HUWE1: variants seen among roughly 807,000 people sequenced by gnomAD.
The protein encoded by HUWE1 is HECT, UBA and WWE domain containing E3 ubiquitin protein ligase 1.
In HUWE1, 18 loss-of-function variants were observed where a neutral mutation model predicts 299.4. The observed-to-expected ratio is 0.06, with a 90% confidence interval of 0.04 to 0.09. The LOEUF is 0.09. Among genes scored for constraint, HUWE1 ranks in the 10% least tolerant of loss-of-function variants. The pLI, the probability that HUWE1 is intolerant of heterozygous loss-of-function variation, is 1.00. For missense variants in HUWE1, 1,832 were observed against 3,462.3 expected (o/e 0.53, Z 11.82); for synonymous variants, 1,317 against 1,286.1 (o/e 1.02, Z -0.51).
rs1169948616 is a variant in HUWE1 at position 53,568,639 on chromosome X, C to T, written c.6707+53G>A. 13 of 1,115,391 alleles carry T rather than the reference C, an allele frequency of 1.2e-5. No individual in the cohort carries two copies. The Admixed American group carries it at 2.1e-4, about 18-fold the overall frequency. 91.9% of individuals were successfully genotyped at this position (1,115,391 alleles called of 1,213,427 possible). On this transcript the variant is annotated intron_variant, in intron 49 of 83. Coordinates refer to ENST00000262854, the MANE Select transcript of HUWE1 (RefSeq NM_031407.7). ...CTACACCAGCTACCTCCACATCATTCGTGTAGTGAGGCTGAAGAGAAGGAA... is the reference window on the plus strand; with the variant it reads ...CTACACCAGCTACCTCCACATCATTTGTGTAGTGAGGCTGAAGAGAAGGAA...
Position 53,575,227 on chromosome X carries a change from G to GCA in HUWE1, c.6031-7_6031-6insTG. On this transcript the variant is annotated splice_polypyrimidine_tract_variant and splice_region_variant and intron_variant, in intron 45 of 83. Transcript: ENST00000262854. ...TCTGCAGCAAAGACCTGACTCTGAAGAAGAAGAAAACTCCTGAGCTATTAT... is the reference window on the plus strand; with the variant it reads ...TCTGCAGCAAAGACCTGACTCTGAAGCAAAGAAGAAAACTCCTGAGCTATTAT... 1 of 1,189,178 alleles carries GCA rather than the reference G, an allele frequency of 8.4e-7. No homozygotes were observed.
At chrX:53,548,296 G>T in intron 67 of HUWE1, 23 bp from the exon 68 acceptor site, 1 of 1,203,603 alleles carries the variant, frequency 8.3e-7, no homozygotes, top group East Asian at 3.0e-5. Context: ...GGAGGACAAG[G>T]CTTGGTCTAG....
intron 47 of HUWE1, among the ~76,000 whole-genome samples, chrX:53,570,615 G>A (rs2062781614): frequency 8.9e-6 from 1 of 112,520 alleles, no homozygotes. Context: ...GTTATTTAAA[G>A]TAACGAAAAA....
At chrX:53,544,345 T>C (rs2061469444) in intron 72 of HUWE1, among the ~76,000 whole-genome samples, 1 of 110,744 alleles carries the variant, frequency 9.0e-6, no homozygotes, top group Non-Finnish European at 1.9e-5. Flanking sequence ...AGATTTCCAC[T>C]CCCCCTTAAT....
rs2065921954 is a variant in HUWE1 at position 53,618,434 on chromosome X, T to A, written c.1673-988A>T. 3.6e-5 allele frequency among the ~76,000 whole-genome samples: 4 copies of A among 111,008 alleles called. No individual in the cohort carries two copies. In the South Asian group the frequency reaches 1.5e-3, roughly 41 times the overall value. ...TACGTTATGAATGAGAAAGGAGATT[T>A]AACTAGATACAGAAAAATATATTCT... On this transcript the variant is annotated intron_variant, in intron 19 of 83. Transcript: ENST00000262854.
chrX:53,533,587 CCAT>C lies in HUWE1; in HGVS notation c.13023-179_13023-177del, dbSNP rs782745333. 32 of 472,441 alleles carry C rather than the reference CCAT, an allele frequency of 6.8e-5. No homozygotes were observed. In the African/African-American group the frequency reaches 7.3e-4, roughly 11 times the overall value. The allele number at this position is 472,441 out of a possible 1,213,427, so 38.9% of individuals were successfully genotyped here. ...CCCCTTTATCTGGCTCCCAAACTGG[CCAT>C]CAGGCACCAAAACCAAAAATCTGAC... On this transcript the variant is annotated intron_variant, in intron 83 of 83. Transcript: ENST00000262854.
In HUWE1 at chrX:53,614,690, G is replaced by A; in HGVS notation, c.2105C>T (p.Pro702Leu). The change falls in exon 23 of 84, where the codon CCA becomes CTA. Residue 702 changes from proline to leucine, a missense_variant. Physicochemically the swap from Pro to Leu is moderately conservative, Grantham distance 98. Around this residue, in one of 15 missense-constraint regions of HUWE1, gnomAD observed 658 missense variants for 1,282.6 expected, o/e 0.51. Transcript: ENST00000262854. ...GRDPKYICQK[P>L]SIQKADGTAT... ...AGTGCCATCTGCCTTCTGGATTGAT[G>A]GCTTCTGACAGATGTATTTGGGGTC... 2 of 1,208,341 alleles carry A rather than the reference G, an allele frequency of 1.7e-6. No individual in the cohort carries two copies. Among genetic ancestry groups the A allele is most frequent in the Non-Finnish European group, 2.2e-6 (2 of 892,649 alleles).
chrX:53,551,230 A>G (rs2061750966), intron 64 of HUWE1, 36 bp downstream of exon 64: 13 of 1,210,912 alleles, frequency 1.1e-5, no homozygotes, highest in Non-Finnish European at 1.5e-5. Context: ...TTCTCCTGCC[A>G]GGCAGCCTGG....
At chrX:53,583,962 T>C (rs781907227) in intron 41 of HUWE1, 46 bp from the exon 42 acceptor site, 5 of 1,044,523 alleles carry the variant, frequency 4.8e-6, no homozygotes, top group Non-Finnish European at 6.7e-6. Flanking sequence ...AACTTGATGT[T>C]TATTTCCTCC....
chrX:53,552,396 G>A lies in HUWE1; in HGVS notation c.8796C>T (p.Ala2932=), dbSNP rs781941232. Residue 2932 remains alanine, a synonymous_variant, in exon 63 of 84, where the codon GCC becomes GCT. Transcript: ENST00000262854. Reference sequence around the variant, plus strand: ...GGGAATCTGCTCCAGAAATGGCCACGGCAGAATCTCTGGTGGAAGAGCTCT... The same window carrying A: ...GGGAATCTGCTCCAGAAATGGCCACAGCAGAATCTCTGGTGGAAGAGCTCT... ...SSESSSTRDS[A]VAISGADSRG... 3.3e-6 allele frequency: 4 copies of A among 1,211,091 alleles called. No individual in the cohort carries two copies. The highest frequency in any genetic ancestry group is 3.0e-5 in the East Asian group (1 of 33,820).
At chrX:53,628,980 A>G (rs982639632) in intron 13 of HUWE1, 78 bp from the exon 14 acceptor site, 3 of 861,665 alleles carry the variant, frequency 3.5e-6, no homozygotes, top group Admixed American at 2.5e-5. Flanking sequence ...GCTAATATCC[A>G]AACTTTAAAA....
intron 2 of HUWE1, among the ~76,000 whole-genome samples, chrX:53,681,326 CG>C (rs1158511932): frequency 9.3e-6 from 1 of 107,403 alleles, no homozygotes; most frequent in Non-Finnish European, 1.9e-5. Context: ...CCCAGCTACT[CG>C]GGAGGCTGAG....
intron 3 of HUWE1, among the ~76,000 whole-genome samples, chrX:53,677,589 G>A: frequency 1.1e-5 from 1 of 94,375 alleles, no homozygotes. Flanking sequence ...AAGAATATTG[G>A]AAGTTTAAAA....
intron 66 of HUWE1, 58 bp downstream of exon 66, chrX:53,550,608 G>A: frequency 9.6e-7 from 1 of 1,042,063 alleles, no homozygotes; most frequent in Non-Finnish European, 1.3e-6. Context: ...TAAAACTAAG[G>A]GAGCTGGGCT....
chrX:53,607,584 G>C lies in HUWE1; in HGVS notation c.2435C>G (p.Pro812Arg). ...GGCAGCAGATGTGGGAAAGTCAATG[G>C]GCAGATTGGGAAGACCCAAAATGGT... ...LVTILGLPNL[P>R]IDFPTSAACQ... Residue 812 changes from proline to arginine, a missense_variant, in exon 25 of 84, where the codon CCC (proline) becomes CGC (arginine). Physicochemically the swap from Pro to Arg is moderately radical, Grantham distance 103. Coordinates refer to ENST00000262854, the MANE Select transcript of HUWE1 (RefSeq NM_031407.7). 1 of 1,210,852 alleles carries C rather than the reference G, an allele frequency of 8.3e-7. No homozygotes were observed. The highest frequency in any genetic ancestry group is 1.7e-5 in the African/African-American group (1 of 57,866).
intron 68 of HUWE1, among the ~76,000 whole-genome samples, 178 bp downstream of exon 68, chrX:53,547,495 G>A (rs2061594376): frequency 8.9e-6 from 1 of 111,824 alleles, no homozygotes; most frequent in South Asian, 3.8e-4. Context: ...GGGGATGGAG[G>A]AAGGGAGACA....
intron 4 of HUWE1, among the ~76,000 whole-genome samples, chrX:53,648,777 TAGCACTAGCTATATTTTTCTGTTACATA>T (rs2068263886): frequency 8.9e-6 from 1 of 111,921 alleles, no homozygotes; most frequent in African/African-American, 3.2e-5. Flanking sequence ...AGGTGAAGAT[TAGCACTAGCTATATTTTTCTGTTACATA>T]AAATCCTTCA....
Position 53,536,144 on chromosome X carries a change from T to C in HUWE1, c.12531+3A>G. ...GTGCTGTGATTAGGATTTCCTGACC[T>C]ACCTCAGTGCTGAAGGTGAGGTCAT... On this transcript the variant is annotated splice_donor_region_variant and intron_variant, in intron 80 of 83. Coordinates refer to ENST00000262854, the MANE Select transcript of HUWE1 (RefSeq NM_031407.7). 1.7e-6 allele frequency: 2 copies of C among 1,146,382 alleles called. No individual in the cohort carries two copies. Among genetic ancestry groups the C allele is most frequent in the Non-Finnish European group, 2.4e-6 (2 of 836,135 alleles). 94.5% of individuals were successfully genotyped at this position (1,146,382 alleles called of 1,213,427 possible).
At chrX:53,542,565 C>A in intron 73 of HUWE1, 26 bp from the exon 74 acceptor site, 1 of 990,857 alleles carries the variant, frequency 1.0e-6, no homozygotes, top group African/African-American at 1.9e-5. Context: ...ACAAAAATCA[C>A]ATAAGGGTGC....
Sources: gnomAD v4.1 joint callset for allele counts (sites outside exome capture counted in the v4.1 genomes callset) on GRCh38, gnomAD v4.1.1 for gene constraint, gnomAD v4.1.1 regional missense constraint, MANE v1.5 for transcripts, NCBI Gene and HGNC (gene_info 2026-07-23, HGNC 2026-07-21) for gene names.